SGCZ: variants seen among roughly 807,000 people sequenced by gnomAD.
The protein encoded by SGCZ is zeta-sarcoglycan.
A neutral mutation model predicts 41.3 loss-of-function variants in SGCZ; 40 were observed. The ratio of observed to expected loss-of-function variants is 0.97; its 90% CI spans 0.75 to 1.26. SGCZ has a LOEUF of 1.26. Ranked by LOEUF, SGCZ falls within the 50% of genes most tolerant of loss-of-function variation. The probability of loss-of-function intolerance (pLI) is 0.00; values close to 1 mark genes in which losing one functional copy is unlikely to be tolerated. For synonymous variants in SGCZ, 206 were observed against 137.5 expected, an observed-to-expected ratio of 1.50 and a Z score of -3.49; for missense variants, 552 against 369.8, an observed-to-expected ratio of 1.49 and a Z score of -4.04.
chr8:15,060,401 C>G (rs1308079720), intron 1 of SGCZ, among the ~76,000 whole-genome samples: 2 of 151,426 alleles, frequency 1.3e-5, no homozygotes, highest in Non-Finnish European at 2.9e-5. Flanking sequence ...CCATCATTCT[C>G]AGCAAACTAT....
chr8:14,661,778 C>T (rs1807758961), intron 1 of SGCZ, among the ~76,000 whole-genome samples: 1 of 151,714 alleles, frequency 6.6e-6, no homozygotes, highest in Admixed American at 6.6e-5. Flanking sequence ...ATTCCTAATT[C>T]ACAAAATGTT....
chr8:15,036,179 T>A (rs962351318), intron 1 of SGCZ, among the ~76,000 whole-genome samples: 1 of 151,964 alleles, frequency 6.6e-6, no homozygotes, highest in Non-Finnish European at 1.5e-5. Context: ...ATAAAGTAGA[T>A]CATAAAAGTC....
intron 5 of SGCZ, among the ~76,000 whole-genome samples, chr8:14,158,810 C>T (rs1486611848): frequency 6.6e-6 from 1 of 152,022 alleles, no homozygotes; most frequent in Non-Finnish European, 1.5e-5. Context: ...AATCTGTTGC[C>T]CAGGCTGCAG....
At chr8:14,732,875 G>A (rs993856079) in intron 1 of SGCZ, among the ~76,000 whole-genome samples, 1 of 151,964 alleles carries the variant, frequency 6.6e-6, no homozygotes, top group African/African-American at 2.4e-5. Context: ...ATAATGAATG[G>A]CCTGGTAATG....
intron 4 of SGCZ, among the ~76,000 whole-genome samples, chr8:14,234,085 A>G (rs904479112): frequency 6.6e-6 from 1 of 152,082 alleles, no homozygotes; most frequent in Non-Finnish European, 1.5e-5. Context: ...TATTTGGTCA[A>G]ATTCATAAAG....
chr8:14,822,502 A>G (rs971221428), intron 1 of SGCZ, among the ~76,000 whole-genome samples: 5 of 152,214 alleles, frequency 3.3e-5, no homozygotes, highest in African/African-American at 1.2e-4. Context: ...TGGAATCACA[A>G]AAGACCCTAA....
chr8:14,717,311 G>A (rs370053650), intron 1 of SGCZ, among the ~76,000 whole-genome samples: 3 of 151,962 alleles, frequency 2.0e-5, no homozygotes, highest in Admixed American at 6.6e-5. Flanking sequence ...CTGTGTTAAG[G>A]TACAATACCA....
At chr8:14,251,074 A>G (rs1172442220) in intron 3 of SGCZ, among the ~76,000 whole-genome samples, 2 of 152,132 alleles carry the variant, frequency 1.3e-5, no homozygotes, top group African/African-American at 2.4e-5. Context: ...CTTAAAGTAC[A>G]AAAATTAGCC....
At chr8:14,652,453 A>G (rs902101503) in intron 1 of SGCZ, among the ~76,000 whole-genome samples, 8 of 151,902 alleles carry the variant, frequency 5.3e-5, no homozygotes, top group African/African-American at 9.7e-5. Flanking sequence ...GCAATTAAGT[A>G]TTTCCCAGTT....
chr8:14,722,959 T>C (rs987797298), intron 1 of SGCZ, among the ~76,000 whole-genome samples: 3 of 152,176 alleles, frequency 2.0e-5, no homozygotes, highest in East Asian at 1.9e-4. Context: ...ACCAATTCAA[T>C]AGAATGCAGG....
intron 2 of SGCZ, among the ~76,000 whole-genome samples, chr8:14,457,339 G>A (rs1013884148): frequency 2.6e-5 from 4 of 152,200 alleles, no homozygotes; most frequent in South Asian, 4.1e-4. Context: ...TGACGCCAGC[G>A]TCTGGGAAGA....
At chr8:14,234,787 T>C (rs1463438635) in intron 4 of SGCZ, among the ~76,000 whole-genome samples, 1 of 152,176 alleles carries the variant, frequency 6.6e-6, no homozygotes, top group East Asian at 1.9e-4. Context: ...TTCATTCAAG[T>C]ATGTCTTCAA....
chr8:14,689,509 A>C (rs577463692), intron 1 of SGCZ, among the ~76,000 whole-genome samples: 3 of 152,216 alleles, frequency 2.0e-5, no homozygotes, highest in Non-Finnish European at 2.9e-5. Context: ...TTATTTTGAT[A>C]GAAGGGGCCA....
intron 4 of SGCZ, among the ~76,000 whole-genome samples, chr8:14,223,476 T>C (rs1806271896): frequency 1.3e-5 from 2 of 152,194 alleles, no homozygotes; most frequent in Admixed American, 6.5e-5. Context: ...GTAATTCAAT[T>C]AATAGAATTC....
intron 3 of SGCZ, among the ~76,000 whole-genome samples, chr8:14,320,093 T>C (rs1046595443): frequency 6.6e-6 from 1 of 151,996 alleles, no homozygotes; most frequent in Non-Finnish European, 1.5e-5. Flanking sequence ...GATATGTTCA[T>C]GAAATGTTAA....
chr8:14,115,755 A>G (rs1015814698), intron 5 of SGCZ, among the ~76,000 whole-genome samples: 10 of 151,758 alleles, frequency 6.6e-5, no homozygotes, highest in African/African-American at 2.4e-4. Flanking sequence ...TCATTTATTT[A>G]GAAATCTCCC....
At chr8:14,318,344 C>A (rs1801786882) in intron 3 of SGCZ, among the ~76,000 whole-genome samples, 1 of 151,872 alleles carries the variant, frequency 6.6e-6, no homozygotes, top group Non-Finnish European at 1.5e-5. Flanking sequence ...CACGCTTTAA[C>A]AATTACTTCT....
At chr8:14,113,634 C>T (rs1372652928) in intron 5 of SGCZ, among the ~76,000 whole-genome samples, 4 of 152,032 alleles carry the variant, frequency 2.6e-5, no homozygotes, top group Non-Finnish European at 2.9e-5. Flanking sequence ...GATGTCCTTT[C>T]TTGTTCAACA....
rs572644910 is a variant in SGCZ at position 14,719,798 on chromosome 8, G to A, written c.40-164872C>T. ...GGTTGCTAAAATTTTCTCCCATTTT[G>A]TAGGTTGCCTGTTCACTCTGATGGT... On this transcript the variant is annotated intron_variant, in intron 1 of 7. Transcript: ENST00000382080. Among the ~76,000 whole-genome samples, 174 of 151,806 alleles carry A rather than the reference G, an allele frequency of 1.1e-3. 6 individuals are homozygous for A. In the East Asian group the frequency reaches 0.018, roughly 16 times the overall value.
Sources: allele counts gnomAD v4.1 joint callset (sites outside exome capture counted in the v4.1 genomes callset), GRCh38; gene constraint gnomAD v4.1.1; transcripts MANE v1.5; gene names NCBI Gene and HGNC (gene_info 2026-07-23, HGNC 2026-07-21).